The following GSTT4 variants were observed in gnomAD, a reference collection of about 807,000 sequenced individuals.
GSTT4 encodes the protein glutathione S-transferase theta 4.
the GSTT4 span, among the ~76,000 whole-genome samples, chr22:23,990,842 T>C: frequency 2.3e-3 from 153 of 66,042 alleles, no homozygotes; most frequent in Middle Eastern, 8.1e-3. Flanking sequence ...TTGAAGAATG[T>C]TTTGTATTCA....
chr22:23,995,122 G>GT (rs796199696), downstream of GSTT4, among the ~76,000 whole-genome samples: 1,107 of 148,172 alleles, frequency 7.5e-3, 10 homozygotes, highest in Non-Finnish European at 0.011. Context: ...CTCAAGACAA[G>GT]TTTTTTTTTT....
At position 24,000,252 on chromosome 22, in the gene GSTT4, C is replaced by G. The variant is rs1358438351; in HGVS notation, c.352-1G>C. ...CCCCTGTTATCTTTGGGATCAGCAA[C>G]TGGCCAGGGTTGGGAAGAGGAGGGA... On this transcript the variant is annotated splice_acceptor_variant, in intron 3 of 4. Transcript: ENST00000621179. LOFTEE classifies it high-confidence loss of function. 6.5e-6 allele frequency: 1 copy of G among 153,392 alleles called. No homozygotes were observed. Among genetic ancestry groups the G allele is most frequent in the African/African-American group, 2.4e-5 (1 of 41,294 alleles). 9.5% of individuals were successfully genotyped at this position (153,392 alleles called of 1,614,324 possible). A position where few individuals can be genotyped will look rare whatever the true frequency, so the allele number is the denominator to read the frequency against.
chr22:23,999,603 C>T (rs2034181987), intron 4 of GSTT4, among the ~76,000 whole-genome samples: 1 of 118,680 alleles, frequency 8.4e-6, no homozygotes, highest in African/African-American at 3.4e-5. Context: ...AAATGCCCCA[C>T]ACTCAGGTGT....
intron 2 of GSTT4, among the ~76,000 whole-genome samples, chr22:24,002,103 G>A (rs2034242908): frequency 6.6e-6 from 1 of 152,292 alleles, no homozygotes. Context: ...GGGTGATTGG[G>A]GAGTGATGAG....
downstream of GSTT4, among the ~76,000 whole-genome samples, chr22:23,997,140 A>G (rs1238548904): frequency 6.6e-6 from 1 of 152,006 alleles, no homozygotes; most frequent in Non-Finnish European, 1.5e-5. Flanking sequence ...TAGTATTTCT[A>G]AACTTTTGAA....
At chr22:23,992,135 C>T in the GSTT4 span, among the ~76,000 whole-genome samples, 544 of 137,944 alleles carry the variant, frequency 3.9e-3, 1 homozygote, top group Non-Finnish European at 4.1e-3. Flanking sequence ...GTGCCCAGGA[C>T]GGAGGCCAGA....
downstream of GSTT4, among the ~76,000 whole-genome samples, chr22:23,994,769 C>T (rs492181): frequency 1.4e-5 from 2 of 139,270 alleles, no homozygotes; most frequent in Admixed American, 7.4e-5. Context: ...CTGCACCAAA[C>T]GCATTGCCTG....
chr22:23,995,799 C>G (rs2034110083), downstream of GSTT4, among the ~76,000 whole-genome samples: 1 of 152,036 alleles, frequency 6.6e-6, no homozygotes, highest in Non-Finnish European at 1.5e-5. Context: ...TGAAATGTTG[C>G]TTTTCTTTGG....
At chr22:23,996,064 C>T (rs2034112410), downstream of GSTT4, among the ~76,000 whole-genome samples, 1 of 152,082 alleles carries the variant, frequency 6.6e-6, no homozygotes, top group South Asian at 2.1e-4. Flanking sequence ...CTGCCTTTGC[C>T]TCCTGAGTAG....
At chr22:24,001,883 T>G (rs1041380018) in intron 2 of GSTT4, among the ~76,000 whole-genome samples, 2 of 152,366 alleles carry the variant, frequency 1.3e-5, no homozygotes, top group Admixed American at 1.3e-4. Flanking sequence ...CCCAGCTACT[T>G]GGGAAGCTGA....
intron 2 of GSTT4, among the ~76,000 whole-genome samples, chr22:24,002,071 G>T (rs2034242278): frequency 6.6e-6 from 1 of 152,264 alleles, no homozygotes; most frequent in African/African-American, 2.4e-5. Flanking sequence ...AGAGTAGGGG[G>T]TTGCAACTGG....
downstream of GSTT4, among the ~76,000 whole-genome samples, chr22:23,994,129 A>C (rs1405682247): frequency 6.6e-6 from 1 of 152,086 alleles, no homozygotes; most frequent in Admixed American, 6.6e-5. Context: ...TATAATGTTC[A>C]AATTTACACT....
chr22:24,004,234 C>A (rs977000412), intron 1 of GSTT4: 3 of 153,022 alleles, frequency 2.0e-5, no homozygotes, highest in African/African-American at 7.2e-5. Flanking sequence ...CTCACTCTGT[C>A]TCCACTTTAA....
chr22:23,995,141 GT>G (rs1326029403), downstream of GSTT4, among the ~76,000 whole-genome samples: 24 of 141,142 alleles, frequency 1.7e-4, no homozygotes, highest in African/African-American at 5.0e-4. Flanking sequence ...TTGTTTGTTT[GT>G]TTTTTTTTTG....
chr22:24,002,256 G>C (rs2034246540), intron 2 of GSTT4, among the ~76,000 whole-genome samples: 1 of 152,268 alleles, frequency 6.6e-6, no homozygotes, highest in African/African-American at 2.4e-5. Flanking sequence ...GGGTGAGCCC[G>C]AGGGGGCAGA....
chr22:24,000,901 T>C (rs1213789657), intron 3 of GSTT4, among the ~76,000 whole-genome samples: 1 of 108,884 alleles, frequency 9.2e-6, no homozygotes, highest in Non-Finnish European at 1.8e-5. Flanking sequence ...TAGTTCAGAA[T>C]GAAATGCCTC....
the GSTT4 span, among the ~76,000 whole-genome samples, chr22:23,992,510 G>A: frequency 6.7e-6 from 1 of 150,076 alleles, no homozygotes. Context: ...ATACAAGGAT[G>A]TGAATAGCAG....
downstream of GSTT4, among the ~76,000 whole-genome samples, chr22:23,995,307 A>G (rs190946316): frequency 9.9e-5 from 15 of 152,272 alleles, no homozygotes; most frequent in East Asian, 2.9e-3. Context: ...TAATTTTAAG[A>G]CAAGCTTTTG....
chr22:23,989,321 TG>T, the GSTT4 span: 1 of 126,292 alleles, frequency 7.9e-6, no homozygotes, highest in Non-Finnish European at 1.7e-5. Context: ...GGCCCCTATC[TG>T]GGAGGCATCA....
Sources: gnomAD v4.1 joint callset for allele counts (sites outside exome capture counted in the v4.1 genomes callset) on GRCh38, gnomAD v4.1.1 for gene constraint, MANE v1.5 for transcripts, NCBI Gene and HGNC (gene_info 2026-07-23, HGNC 2026-07-21) for gene names.